The following ULK4 variants were observed in gnomAD, a reference collection of about 807,000 sequenced individuals.
The protein encoded by ULK4 is unc-51 like kinase 4.
A neutral mutation model predicts 160.6 loss-of-function variants in ULK4; 133 were observed. That is an observed-to-expected ratio of 0.83 (90% confidence interval 0.72 to 0.96). The LOEUF is 0.96. Ranked by LOEUF, ULK4 falls within the 40% of genes least tolerant of loss-of-function variation. The probability of loss-of-function intolerance (pLI) is 0.00; values close to 1 mark genes in which losing one functional copy is unlikely to be tolerated. For synonymous variants in ULK4, 534 were observed against 539.8 expected (o/e 0.99, Z 0.15); for missense variants, 1,580 against 1,499.5 (o/e 1.05, Z -0.89).
intron 35 of ULK4, among the ~76,000 whole-genome samples, chr3:41,341,484 G>A (rs2080683955): frequency 6.6e-6 from 1 of 152,182 alleles, no homozygotes; most frequent in African/African-American, 2.4e-5. Flanking sequence ...TTGAATGGTT[G>A]GGTTTGGACT....
chr3:41,325,669 A>C (rs1458597404), intron 35 of ULK4, among the ~76,000 whole-genome samples: 1 of 152,148 alleles, frequency 6.6e-6, no homozygotes, highest in Non-Finnish European at 1.5e-5. Flanking sequence ...TAATCCCAGC[A>C]CTTTGGGAGG....
chr3:41,523,968 C>T (rs1057075721), intron 32 of ULK4, among the ~76,000 whole-genome samples: 2 of 152,118 alleles, frequency 1.3e-5, no homozygotes, highest in Non-Finnish European at 2.9e-5. Flanking sequence ...AGTACCAATA[C>T]ATGTTATAAT....
intron 35 of ULK4, among the ~76,000 whole-genome samples, chr3:41,380,199 C>T (rs2081616104): frequency 6.6e-6 from 1 of 151,934 alleles, no homozygotes; most frequent in South Asian, 2.1e-4. Flanking sequence ...GAAGACAAGA[C>T]AATTCAAAAG....
At chr3:41,417,778 T>A (rs1459584668) in intron 34 of ULK4, among the ~76,000 whole-genome samples, 2 of 152,148 alleles carry the variant, frequency 1.3e-5, no homozygotes. Context: ...AGTCATATGG[T>A]CACGTCAAGG....
chr3:41,496,972 C>T (rs1381641259), intron 32 of ULK4, among the ~76,000 whole-genome samples: 4 of 151,840 alleles, frequency 2.6e-5, no homozygotes, highest in African/African-American at 9.7e-5. Flanking sequence ...AATACAGCCT[C>T]CAGAACTGCC....
chr3:41,736,871 A>G (rs1265953553), intron 22 of ULK4, among the ~76,000 whole-genome samples: 6 of 151,702 alleles, frequency 4.0e-5, no homozygotes, highest in Non-Finnish European at 7.4e-5. Flanking sequence ...ATTTTTGTCT[A>G]AGGTGTAAGG....
chr3:41,623,943 A>T (rs914658286), intron 30 of ULK4, among the ~76,000 whole-genome samples: 6 of 152,228 alleles, frequency 3.9e-5, no homozygotes, highest in Admixed American at 6.5e-5. Flanking sequence ...ACAAATACAC[A>T]ATTATAATTG....
chr3:41,771,227 T>C (rs1000200969), intron 21 of ULK4, among the ~76,000 whole-genome samples: 1 of 152,204 alleles, frequency 6.6e-6, no homozygotes, highest in Non-Finnish European at 1.5e-5. Flanking sequence ...CATTAAAATA[T>C]GTGGTAATGT....
chr3:41,510,157 A>G (rs1412307226), intron 32 of ULK4, among the ~76,000 whole-genome samples: 1 of 152,212 alleles, frequency 6.6e-6, no homozygotes, highest in Admixed American at 6.5e-5. Context: ...GCACATGGAC[A>G]CCAAAAGTGA....
chr3:41,651,548 G>A (rs1295114120), intron 30 of ULK4, among the ~76,000 whole-genome samples: 6 of 152,202 alleles, frequency 3.9e-5, no homozygotes, highest in Non-Finnish European at 7.3e-5. Context: ...TAGTTGTGAA[G>A]TGACTCAATG....
intron 22 of ULK4, among the ~76,000 whole-genome samples, chr3:41,733,156 TA>T (rs2037891410): frequency 6.6e-6 from 1 of 152,246 alleles, no homozygotes; most frequent in African/African-American, 2.4e-5. Context: ...AGTGATATGC[TA>T]TATACCCTAA....
chr3:41,300,870 T>G (rs867047588), intron 35 of ULK4, among the ~76,000 whole-genome samples: 1 of 114,792 alleles, frequency 8.7e-6, no homozygotes. Context: ...TATATATATA[T>G]ATATATATAT....
intron 18 of ULK4, among the ~76,000 whole-genome samples, chr3:41,820,299 A>G (rs184283110): frequency 5.3e-5 from 8 of 152,296 alleles, no homozygotes; most frequent in Admixed American, 4.6e-4. Context: ...TGAACCAGCA[A>G]TCCCATTACT....
Position 41,800,224 on chromosome 3 carries a change from A to C in ULK4, c.1918T>G (p.Ser640Ala), listed in dbSNP as rs4973986. ...ATTTCTCCTGTAATAAAGCCCTGGG[A>C]CTGAGCAGAAAAGGTGGTACAGACA... The part of the protein sequence containing the change: ...ENVCTTFSAQ[S>A]QGFITGEIGP... The change falls in exon 20 of 37, where the codon TCC (serine) becomes GCC (alanine). Residue 640 changes from serine (S) to alanine (A), a missense_variant. Physicochemically the swap from Ser to Ala is moderately conservative, Grantham distance 99 (BLOSUM62 1). Coordinates refer to ENST00000301831, the MANE Select transcript of ULK4 (RefSeq NM_017886.4). 1,361,936 of 1,613,390 alleles carry C rather than the reference A, an allele frequency of 0.84. 576,227 individuals carry two copies. Among genetic ancestry groups the C allele is most frequent in the African/African-American group, 0.97 (72,938 of 75,000 alleles).
At chr3:41,415,272 TG>T (rs2082498052) in intron 34 of ULK4, among the ~76,000 whole-genome samples, 1 of 152,176 alleles carries the variant, frequency 6.6e-6, no homozygotes, top group Non-Finnish European at 1.5e-5. Flanking sequence ...AGCTCTGGCC[TG>T]ATCCTGTCTT....
chr3:41,955,045 C>T (rs948895306), intron 1 of ULK4, among the ~76,000 whole-genome samples: 2 of 152,166 alleles, frequency 1.3e-5, no homozygotes, highest in African/African-American at 4.8e-5. Context: ...AATCCCAGCA[C>T]TTTGGGAGGC....
At chr3:41,316,455 C>G (rs958889641) in intron 35 of ULK4, among the ~76,000 whole-genome samples, 1 of 152,140 alleles carries the variant, frequency 6.6e-6, no homozygotes, top group South Asian at 2.1e-4. Context: ...AAAATCATAT[C>G]CTTTACAGCA....
intron 34 of ULK4, among the ~76,000 whole-genome samples, chr3:41,443,530 T>C (rs1366369494): frequency 1.3e-5 from 2 of 152,190 alleles, no homozygotes; most frequent in African/African-American, 4.8e-5. Context: ...TAGTGATTTC[T>C]TGACTGAAGA....
At chr3:41,253,144 A>G (rs1284537365) in intron 35 of ULK4, among the ~76,000 whole-genome samples, 4 of 152,138 alleles carry the variant, frequency 2.6e-5, no homozygotes, top group African/African-American at 7.2e-5. Context: ...GAGCTGCTAT[A>G]AAAAATTTAC....
Sources: gnomAD v4.1 joint callset for allele counts (sites outside exome capture counted in the v4.1 genomes callset) on GRCh38, gnomAD v4.1.1 for gene constraint, MANE v1.5 for transcripts, NCBI Gene and HGNC (gene_info 2026-07-23, HGNC 2026-07-21) for gene names.